The following GRID2 variants were observed in gnomAD, a reference collection of about 807,000 sequenced individuals.
GRID2 encodes glutamate ionotropic receptor delta type subunit 2.
Under a neutral mutation model 114.8 loss-of-function variants are expected in GRID2, and 33 were observed. The ratio of observed to expected loss-of-function variants is 0.29; its 90% confidence interval spans 0.22 to 0.38. The LOEUF is 0.38. Ranked by LOEUF, GRID2 falls within the 10% of genes least tolerant of loss-of-function variation. The pLI is 1.00. For synonymous variants in GRID2, 505 were observed against 449.9 expected (o/e 1.12, Z -1.55); for missense variants, 1,184 against 1,257.7 (o/e 0.94, Z 0.89).
chr4:92,796,284 G>T (rs936523676), intron 2 of GRID2, among the ~76,000 whole-genome samples: 5 of 151,878 alleles, frequency 3.3e-5, no homozygotes, highest in African/African-American at 1.2e-4. Flanking sequence ...TTGGGGTTCT[G>T]GGTGGCCTGG....
intron 2 of GRID2, among the ~76,000 whole-genome samples, chr4:92,869,227 A>G (rs1745104382): frequency 1.3e-5 from 2 of 152,198 alleles, no homozygotes; most frequent in African/African-American, 4.8e-5. Context: ...AGCAATTTTA[A>G]TGTCTAATTT....
intron 3 of GRID2, among the ~76,000 whole-genome samples, chr4:93,106,949 A>T (rs1456233996): frequency 6.6e-6 from 1 of 152,224 alleles, no homozygotes; most frequent in East Asian, 1.9e-4. Flanking sequence ...TTTTGTATAT[A>T]CACAGCAAAC....
chr4:93,252,004 G>A (rs1167500347), intron 8 of GRID2, among the ~76,000 whole-genome samples: 2 of 152,090 alleles, frequency 1.3e-5, no homozygotes, highest in Non-Finnish European at 2.9e-5. Flanking sequence ...ACTAGTATTG[G>A]GATTGCTGGG....
intron 4 of GRID2, among the ~76,000 whole-genome samples, chr4:93,154,773 ACACCACCAC>A (rs533522738): frequency 6.6e-6 from 1 of 150,482 alleles, no homozygotes; most frequent in African/African-American, 2.4e-5. Flanking sequence ...AACAAAAAAA[ACACCACCAC>A]CACCACCACC....
At chr4:93,561,232 G>C (rs529710304) in intron 13 of GRID2, among the ~76,000 whole-genome samples, 29 of 152,082 alleles carry the variant, frequency 1.9e-4, no homozygotes, top group African/African-American at 6.7e-4. Flanking sequence ...CCATTTATAC[G>C]TAAGTTTGAA....
At chr4:92,529,848 A>G (rs1345673975) in intron 1 of GRID2, among the ~76,000 whole-genome samples, 1 of 152,158 alleles carries the variant, frequency 6.6e-6, no homozygotes, top group Non-Finnish European at 1.5e-5. Flanking sequence ...AATGCTGAGT[A>G]TATTTTTCTT....
At chr4:92,534,708 T>C (rs534822639) in intron 1 of GRID2, among the ~76,000 whole-genome samples, 113 of 152,292 alleles carry the variant, frequency 7.4e-4, no homozygotes, top group African/African-American at 2.5e-3. Flanking sequence ...TGATTAGGAA[T>C]GCTGTGGATG....
At chr4:92,975,068 A>G (rs1296718050) in intron 2 of GRID2, among the ~76,000 whole-genome samples, 1 of 143,804 alleles carries the variant, frequency 7.0e-6, no homozygotes, top group African/African-American at 2.6e-5. Flanking sequence ...GAGGCAGGAG[A>G]ATGGCGTGAA....
At chr4:92,398,947 A>G (rs1267843304) in intron 1 of GRID2, among the ~76,000 whole-genome samples, 1 of 152,216 alleles carries the variant, frequency 6.6e-6, no homozygotes, top group Non-Finnish European at 1.5e-5. Flanking sequence ...AGTCTCATAA[A>G]GTCCGTAACA....
chr4:92,686,656 T>A (rs1733921038), intron 2 of GRID2, among the ~76,000 whole-genome samples: 2 of 152,106 alleles, frequency 1.3e-5, no homozygotes, highest in African/African-American at 4.8e-5. Context: ...TGTTAATATT[T>A]GTGTTCCTAC....
intron 1 of GRID2, among the ~76,000 whole-genome samples, chr4:92,574,273 G>A (rs1047952201): frequency 4.6e-5 from 7 of 151,920 alleles, no homozygotes; most frequent in African/African-American, 1.5e-4. Context: ...CTTTTAAATG[G>A]GGGCATTTAT....
At chr4:92,395,315 A>G (rs979307536) in intron 1 of GRID2, among the ~76,000 whole-genome samples, 3 of 151,726 alleles carry the variant, frequency 2.0e-5, no homozygotes, top group African/African-American at 7.2e-5. Context: ...TGGGAAGACA[A>G]TGAATAAGTA....
At chr4:93,017,695 A>T (rs915322690) in intron 2 of GRID2, among the ~76,000 whole-genome samples, 1 of 151,400 alleles carries the variant, frequency 6.6e-6, no homozygotes, top group African/African-American at 2.4e-5. Context: ...GATCCCAGCT[A>T]TTCAGGAGGC....
intron 1 of GRID2, among the ~76,000 whole-genome samples, chr4:92,320,591 C>T (rs1395560252): frequency 6.6e-6 from 1 of 152,056 alleles, no homozygotes; most frequent in Non-Finnish European, 1.5e-5. Flanking sequence ...TCTCTTGCCT[C>T]AGCCTCCCAA....
At chr4:93,016,357 G>T (rs1165196941) in intron 2 of GRID2, among the ~76,000 whole-genome samples, 1 of 152,122 alleles carries the variant, frequency 6.6e-6, no homozygotes, top group Non-Finnish European at 1.5e-5. Context: ...CTCTTCCTGA[G>T]TGCTTACAAT....
chr4:93,412,980 T>C (rs1386691398), intron 9 of GRID2, among the ~76,000 whole-genome samples: 1 of 152,228 alleles, frequency 6.6e-6, no homozygotes, highest in Non-Finnish European at 1.5e-5. Flanking sequence ...CCACATTTTC[T>C]TTATTCAGTA....
intron 10 of GRID2, among the ~76,000 whole-genome samples, chr4:93,451,993 A>G (rs1722731789): frequency 2.0e-5 from 3 of 152,166 alleles, no homozygotes; most frequent in Admixed American, 1.3e-4. Flanking sequence ...ATCAGTCTAG[A>G]TCCCAGAGCT....
chr4:92,780,290 TAATTC>T (rs1392375072), intron 2 of GRID2, among the ~76,000 whole-genome samples: 5 of 152,152 alleles, frequency 3.3e-5, no homozygotes, highest in Non-Finnish European at 5.9e-5. Context: ...TTTAGCAACT[TAATTC>T]AGACTGTTTT....
chr4:93,183,765 A>C (rs1740131100), intron 4 of GRID2, among the ~76,000 whole-genome samples: 1 of 152,226 alleles, frequency 6.6e-6, no homozygotes, highest in South Asian at 2.1e-4. Context: ...CAGTAAATCC[A>C]TGTTACCACT....
Sources: gnomAD v4.1 joint callset for allele counts (sites outside exome capture counted in the v4.1 genomes callset) on GRCh38, gnomAD v4.1.1 for gene constraint, MANE v1.5 for transcripts, NCBI Gene and HGNC (gene_info 2026-07-23, HGNC 2026-07-21) for gene names.